F3: variants seen among roughly 807,000 people sequenced by gnomAD.
F3 encodes the protein tissue factor.
A neutral mutation model predicts 33.5 loss-of-function variants in F3; 18 were observed. That is an observed-to-expected ratio of 0.54 (90% CI 0.37 to 0.80). The LOEUF is 0.80. Among genes scored for constraint, F3 ranks in the 30% least tolerant of loss-of-function variants. The pLI is 0.00. For synonymous variants in F3, 147 were observed against 140.7 expected (o/e 1.05, Z -0.32); for missense variants, 353 against 362.1 (o/e 0.97, Z 0.20).
intron 2 of F3, 58 bp from the exon 3 acceptor site, chr1:94,536,222 A>T: frequency 6.7e-7 from 1 of 1,483,550 alleles, no homozygotes; most frequent in Non-Finnish European, 9.4e-7. Flanking sequence ...GCACCCAACA[A>T]GATAGACTGC....
At chr1:94,540,065 A>G (rs536981395) in intron 2 of F3, among the ~76,000 whole-genome samples, 192 bp downstream of exon 2, 32 of 152,368 alleles carry the variant, frequency 2.1e-4, no homozygotes, top group African/African-American at 6.5e-4. Flanking sequence ...AAAATGTTCT[A>G]TCAGTTTAAG....
chr1:94,541,333 G>A (rs976651439), intron 1 of F3, among the ~76,000 whole-genome samples: 4 of 152,178 alleles, frequency 2.6e-5, no homozygotes, highest in African/African-American at 7.2e-5. Flanking sequence ...GGTCTGGGGC[G>A]CCAACTCCCT....
intron 3 of F3, among the ~76,000 whole-genome samples, chr1:94,534,558 C>T (rs1144302): frequency 0.039 from 6,002 of 152,224 alleles, 436 homozygotes; most frequent in African/African-American, 0.14. Context: ...CCACATGTGG[C>T]TAGTGGCTAC....
At chr1:94,540,395 A>T in intron 1 of F3, 27 bp from the exon 2 acceptor site, 1 of 1,489,880 alleles carries the variant, frequency 6.7e-7, no homozygotes, top group Non-Finnish European at 9.4e-7. Flanking sequence ...AACAGCTATT[A>T]TTACATGCAC....
chr1:94,537,666 C>G (rs1383232457), intron 2 of F3, among the ~76,000 whole-genome samples: 2 of 152,182 alleles, frequency 1.3e-5, no homozygotes, highest in East Asian at 3.8e-4. Flanking sequence ...AATATATTTT[C>G]TTTCAAAATC....
Position 94,532,367 on chromosome 1 carries a change from T to G in F3, c.705A>C (p.Thr235=). 1 of 1,614,218 alleles carries G rather than the reference T, an allele frequency of 6.2e-7. No homozygotes were observed. Among genetic ancestry groups the G allele is most frequent in the Non-Finnish European group, 8.5e-7 (1 of 1,180,042 alleles). ...GGCCCATACACTCTACCGGGCTGTCTGTACTCTTCCGGTTAACTGTTCGGG... is the reference window on the plus strand; with the variant it reads ...GGCCCATACACTCTACCGGGCTGTCGGTACTCTTCCGGTTAACTGTTCGGG... ...IPSRTVNRKS[T]DSPVECMGQE... The change falls in exon 5 of 6, where the codon ACA becomes ACC. Residue 235 remains threonine, a synonymous_variant. Coordinates refer to ENST00000334047, the MANE Select transcript of F3 (RefSeq NM_001993.5).
chr1:94,535,019 C>T (rs937199941), intron 3 of F3, among the ~76,000 whole-genome samples: 1 of 151,978 alleles, frequency 6.6e-6, no homozygotes, highest in Non-Finnish European at 1.5e-5. Flanking sequence ...CAAATGGGGG[C>T]TCTGGGAAGG....
rs1422905358 is a variant in F3 at position 94,536,226 on chromosome 1, AGACT to A, written c.213-66_213-63del. 2.7e-6 allele frequency: 4 copies of A among 1,462,860 alleles called. No individual in the cohort carries two copies. The African/African-American group carries it at 5.5e-5, about 20-fold the overall frequency. 90.6% of individuals were successfully genotyped at this position (1,462,860 alleles called of 1,614,324 possible). The stretch of plus-strand genomic sequence containing the variant: ...TGTTACAATTTGCACCCAACAAGAT[AGACT>A]GCTTCCTGGCTGTGGTGTTCTGTGC... On this transcript the variant is annotated intron_variant, in intron 2 of 5. Transcript: ENST00000334047.
chr1:94,531,541 A>ATT (rs1651426542), intron 5 of F3, among the ~76,000 whole-genome samples: 1 of 152,094 alleles, frequency 6.6e-6, no homozygotes. Context: ...ACCTCAAGTG[A>ATT]TTTGCCTGTC....
chr1:94,531,764 A>G (rs1651435527), intron 5 of F3, among the ~76,000 whole-genome samples: 1 of 152,132 alleles, frequency 6.6e-6, no homozygotes, highest in Non-Finnish European at 1.5e-5. Flanking sequence ...AATGGGCCTG[A>G]GCTCCCAACA....
At chr1:94,537,041 C>G (rs1220017810) in intron 2 of F3, among the ~76,000 whole-genome samples, 1 of 152,134 alleles carries the variant, frequency 6.6e-6, no homozygotes, top group African/African-American at 2.4e-5. Flanking sequence ...GGTCTGTTTG[C>G]CCCATTATAC....
chr1:94,530,582 T>A lies in F3; in HGVS notation c.766A>T (p.Ile256Phe). ...KGEFREIFYI[I>F]GAVVFVVIIL... ...ATGACCACAAATACCACAGCTCCAA[T>A]GATGTAGAATATTTCTGAAAAATAA... Residue 256 changes from isoleucine (I) to phenylalanine (F), a missense_variant, in exon 6 of 6, where the codon ATT becomes TTT. Physicochemically the swap from Ile to Phe is conservative, Grantham distance 21. Transcript: ENST00000334047. 1 of 1,614,098 alleles carries A rather than the reference T, an allele frequency of 6.2e-7. No individual in the cohort carries two copies. Among genetic ancestry groups the A allele is most frequent in the South Asian group, 1.1e-5 (1 of 91,080 alleles).
intron 2 of F3, among the ~76,000 whole-genome samples, chr1:94,539,556 A>G (rs1414681331): frequency 1.3e-5 from 2 of 152,214 alleles, no homozygotes; most frequent in Non-Finnish European, 2.9e-5. Context: ...ACATTTCAAA[A>G]ACCAAAAACT....
chr1:94,535,411 A>T (rs1238485515), intron 3 of F3, among the ~76,000 whole-genome samples: 1 of 152,158 alleles, frequency 6.6e-6, no homozygotes, highest in Non-Finnish European at 1.5e-5. Context: ...AACGAGGGTG[A>T]CAGGCAGATG....
chr1:94,538,197 T>C, intron 2 of F3, among the ~76,000 whole-genome samples: 1 of 152,230 alleles, frequency 6.6e-6, no homozygotes, highest in Non-Finnish European at 1.5e-5. Context: ...AACTAAAAAA[T>C]TCAGTCACTA....
chr1:94,538,412 C>A (rs1283376876), intron 2 of F3, among the ~76,000 whole-genome samples: 1 of 152,206 alleles, frequency 6.6e-6, no homozygotes, highest in Non-Finnish European at 1.5e-5. Flanking sequence ...TAGTGTCCTG[C>A]GGCTGGAGCC....
intron 2 of F3, 21 bp downstream of exon 2, chr1:94,540,235 TC>T (rs749933455): frequency 4.7e-6 from 7 of 1,496,156 alleles, no homozygotes; most frequent in Non-Finnish European, 6.5e-6. Context: ...ACCTTAATTT[TC>T]TTTTTCTGTA....
Position 94,540,323 on chromosome 1 carries a change from G to A in F3, c.146C>T (p.Thr49Ile), listed in dbSNP as rs765444327. The A allele has an allele frequency of 1.9e-6, 3 of 1,614,044 alleles. No individual in the cohort carries two copies. The highest frequency in any genetic ancestry group is 3.3e-5 in the Admixed American group (2 of 60,004). The change falls in exon 2 of 6, where the codon ACT (threonine) becomes ATT (isoleucine). Residue 49 changes from threonine (T) to isoleucine (I), a missense_variant. Physicochemically the swap from Thr to Ile is moderately conservative, Grantham distance 89 (BLOSUM62 -1). Coordinates refer to ENST00000334047, the MANE Select transcript of F3 (RefSeq NM_001993.5). ...CCACTCCAAAATTGTCTTGAAATTA[G>A]TTGATTTCCAAGTTAAATTATATGC... The part of the protein sequence containing the change: ...VAAYNLTWKS[T>I]NFKTILEWEP...
At chr1:94,530,921 G>A (rs1371566138) in intron 5 of F3, among the ~76,000 whole-genome samples, 1 of 152,200 alleles carries the variant, frequency 6.6e-6, no homozygotes, top group African/African-American at 2.4e-5. Context: ...TGATTATAAC[G>A]GAAGGTGAAC....
Sources: allele counts gnomAD v4.1 joint callset (sites outside exome capture counted in the v4.1 genomes callset), GRCh38; gene constraint gnomAD v4.1.1; transcripts MANE v1.5; gene names NCBI Gene and HGNC (gene_info 2026-07-23, HGNC 2026-07-21).